RPS6KA2: variants seen among roughly 807,000 people sequenced by gnomAD.
RPS6KA2 encodes ribosomal protein S6 kinase alpha-2.
A neutral mutation model predicts 91.8 loss-of-function variants in RPS6KA2; 42 were observed. The observed-to-expected ratio is 0.46, with a 90% confidence interval of 0.36 to 0.59. RPS6KA2 has a LOEUF of 0.59. Among genes scored for constraint, RPS6KA2 ranks in the 20% least tolerant of loss-of-function variants. The pLI is 0.00. For missense variants in RPS6KA2, 798 were observed against 978.5 expected, an observed-to-expected ratio of 0.82 and a Z score of 2.46; for synonymous variants, 414 against 393.6, an observed-to-expected ratio of 1.05 and a Z score of -0.61.
rs568888210 is a variant in RPS6KA2 at position 166,790,258 on chromosome 6, T to C, written c.123+67942A>G. On this transcript the variant is annotated intron_variant, in intron 2 of 21. Coordinates refer to the RPS6KA2 transcript ENST00000503859. Reference sequence around the variant, plus strand: ...CGATGCGATCAACTGGAAGAAAGGGTATCTGTGATGGAAGACGAAATGAAT... The same window carrying C: ...CGATGCGATCAACTGGAAGAAAGGGCATCTGTGATGGAAGACGAAATGAAT... 1.8e-3 allele frequency among the ~76,000 whole-genome samples: 277 copies of C among 152,264 alleles called. 1 individual carries two copies. Among genetic ancestry groups the C allele is most frequent in the African/African-American group, 6.4e-3 (266 of 41,546 alleles).
chr6:166,608,215 T>C (rs1206579155), intron 1 of RPS6KA2, among the ~76,000 whole-genome samples: 1 of 152,218 alleles, frequency 6.6e-6, no homozygotes, highest in Non-Finnish European at 1.5e-5. Context: ...GGATATTTGC[T>C]TCCTGGCAAC....
At chr6:166,606,463 A>C (rs1161625078) in intron 1 of RPS6KA2, among the ~76,000 whole-genome samples, 1 of 152,174 alleles carries the variant, frequency 6.6e-6, no homozygotes, top group Non-Finnish European at 1.5e-5. Context: ...TAGGCCTTTC[A>C]AAGCGACTGC....
chr6:166,551,002 A>AAAAAAAAAAAAAC (rs1784004902), intron 1 of RPS6KA2, among the ~76,000 whole-genome samples: 1 of 151,378 alleles, frequency 6.6e-6, no homozygotes, highest in East Asian at 1.9e-4. Context: ...CTCAAAAAAA[A>AAAAAAAAAAAAAC]AAAAAAAAAG....
At chr6:166,677,683 G>A (rs1788659508) in intron 2 of RPS6KA2, among the ~76,000 whole-genome samples, 1 of 152,146 alleles carries the variant, frequency 6.6e-6, no homozygotes, top group South Asian at 2.1e-4. Flanking sequence ...CCTTGAAAAG[G>A]GGAAGGAAGA....
chr6:166,618,686 C>T (rs1213088735), intron 1 of RPS6KA2, among the ~76,000 whole-genome samples: 1 of 152,262 alleles, frequency 6.6e-6, no homozygotes, highest in Non-Finnish European at 1.5e-5. Flanking sequence ...CCCATCACCT[C>T]CGTTACATCC....
At chr6:166,757,499 C>T (rs138803914) in intron 2 of RPS6KA2, 2 of 456,024 alleles carry the variant, frequency 4.4e-6, no homozygotes, top group Non-Finnish European at 8.8e-6. Flanking sequence ...CTCCCTGGGA[C>T]CCCCATTTCC....
intron 2 of RPS6KA2, among the ~76,000 whole-genome samples, chr6:166,719,869 T>C (rs945905955): frequency 5.9e-5 from 9 of 152,186 alleles, no homozygotes; most frequent in African/African-American, 2.2e-4. Flanking sequence ...ATAAAGAATG[T>C]TCATATTATA....
chr6:166,546,123 G>T (rs1183452875), intron 1 of RPS6KA2, among the ~76,000 whole-genome samples: 3 of 152,148 alleles, frequency 2.0e-5, no homozygotes, highest in African/African-American at 7.2e-5. Context: ...TATCTTCAAT[G>T]ATTTGCTTTA....
chr6:166,851,504 C>G lies in RPS6KA2; in HGVS notation c.123+6696G>C, dbSNP rs73270764. Among the ~76,000 whole-genome samples, 687 of 152,328 alleles carry G rather than the reference C, an allele frequency of 4.5e-3. 10 individuals carry two copies. Among genetic ancestry groups the G allele is most frequent in the African/African-American group, 0.015 (644 of 41,578 alleles). ...CCAGGCAGCAGAGATAGTTACTGCT[C>G]TGCCCCAGAGGCTACAAGGAAGCCC... is the stretch of plus-strand genomic sequence containing the variant. On this transcript the variant is annotated intron_variant, in intron 2 of 21. Coordinates refer to the RPS6KA2 transcript ENST00000503859.
At position 166,435,190 on chromosome 6, in the gene RPS6KA2, T is replaced by C. The variant is rs1779255473; in HGVS notation, c.1333-2700A>G. 6.6e-6 allele frequency among the ~76,000 whole-genome samples: 1 copy of C among 152,236 alleles called. No homozygotes were observed. The highest frequency in any genetic ancestry group is 6.5e-5 in the Admixed American group (1 of 15,290). Reference sequence around the variant, plus strand: ...GCCCTCTCAACCCTAGTATCTATTTTATTTCTATGTGTTCTTTTGTTGTGA... The same window carrying C: ...GCCCTCTCAACCCTAGTATCTATTTCATTTCTATGTGTTCTTTTGTTGTGA... On this transcript the variant is annotated intron_variant, in intron 14 of 20. Transcript: ENST00000265678. This position sits in a 1 kb window ranked among gnomAD's most constrained non-coding sequence, Gnocchi z 4.3.
At chr6:166,529,217 T>C (rs959128485) in intron 3 of RPS6KA2, among the ~76,000 whole-genome samples, 12 of 152,232 alleles carry the variant, frequency 7.9e-5, no homozygotes, top group African/African-American at 2.7e-4. Flanking sequence ...GTGGCACATA[T>C]ACACCATGGA....
At chr6:166,716,060 AAGAAG>A (rs1583044945) in intron 2 of RPS6KA2, among the ~76,000 whole-genome samples, 3 of 130,986 alleles carry the variant, frequency 2.3e-5, no homozygotes, top group African/African-American at 3.3e-5. Context: ...AAAAAAAAAA[AAGAAG>A]GAAAGAAAGA....
At chr6:166,642,720 A>G (rs1787482568) in intron 2 of RPS6KA2, among the ~76,000 whole-genome samples, 1 of 152,298 alleles carries the variant, frequency 6.6e-6, no homozygotes, top group East Asian at 1.9e-4. Flanking sequence ...ATAGTAAGAA[A>G]GCAGGAAAAA....
At chr6:166,483,524 A>T (rs1289920858) in intron 10 of RPS6KA2, among the ~76,000 whole-genome samples, 1 of 152,242 alleles carries the variant, frequency 6.6e-6, no homozygotes, top group Non-Finnish European at 1.5e-5. Context: ...AAATTAAGAA[A>T]AGCCCATTTT....
intron 2 of RPS6KA2, chr6:166,701,016 G>A: frequency 9.1e-7 from 1 of 1,102,730 alleles, no homozygotes; most frequent in Non-Finnish European, 1.4e-6. Context: ...TCTGGATAGG[G>A]GGTCAGCGCC....
rs140398119 is a variant in RPS6KA2 at position 166,430,812 on chromosome 6, C to T, written c.1423-201G>A. Among the ~76,000 whole-genome samples the T allele has an allele frequency of 3.6e-3, 547 of 152,234 alleles. 1 individual carries two copies. The highest frequency in any genetic ancestry group is 0.012 in the African/African-American group (516 of 41,532). The stretch of plus-strand genomic sequence containing the variant: ...ATATGTGCTCTTTTTAGGAAGAAAA[C>T]GGCTTTAATAATCTGCTGCTAAGCA... On this transcript the variant is annotated intron_variant, in intron 15 of 20. Transcript: ENST00000265678.
rs774858379 is a variant in RPS6KA2, at chr6:166,508,173, G to A, written c.459+30C>T. ...GAGTCCCAGACAGAAGCTCCTGCCC[G>A]CCCTCCTGTGTGATGTGGCGGCTGC... On this transcript the variant is annotated intron_variant, in intron 5 of 20. Coordinates refer to ENST00000265678, the MANE Select transcript of RPS6KA2 (RefSeq NM_021135.6). This position sits in a 1 kb window ranked among gnomAD's most constrained non-coding sequence, Gnocchi z 4.3. The A allele has an allele frequency of 7.4e-6, 11 of 1,491,988 alleles. No homozygotes were observed. The highest frequency in any genetic ancestry group is 4.5e-5 in the East Asian group (2 of 44,154). The allele number at this position is 1,491,988 out of a possible 1,614,324, so 92.4% of individuals were successfully genotyped here.
intron 2 of RPS6KA2, among the ~76,000 whole-genome samples, chr6:166,669,491 C>T (rs893258661): frequency 6.6e-6 from 1 of 152,108 alleles, no homozygotes; most frequent in Non-Finnish European, 1.5e-5. Flanking sequence ...TGAGAACCTG[C>T]CCCAAGTCAG....
intron 13 of RPS6KA2, among the ~76,000 whole-genome samples, chr6:166,450,414 A>G (rs1779857785): frequency 6.8e-6 from 1 of 146,334 alleles, no homozygotes; most frequent in Non-Finnish European, 1.5e-5. Context: ...CACAGGGACC[A>G]CCACAGGGAC....
Sources: gnomAD v4.1 joint callset for allele counts (sites outside exome capture counted in the v4.1 genomes callset) on GRCh38, gnomAD v4.1.1 for gene constraint, Gnocchi (gnomAD v3.1) non-coding constraint, MANE v1.5 for transcripts, NCBI Gene and HGNC (gene_info 2026-07-23, HGNC 2026-07-21) for gene names.